FGD5: variants seen among roughly 807,000 people sequenced by gnomAD.
FGD5 encodes FYVE, RhoGEF and PH domain containing 5.
FGD5 carries 28 observed loss-of-function variants against 133.4 expected under a neutral mutation model. The observed-to-expected ratio is 0.21, with a 90% CI of 0.16 to 0.29. FGD5 has a LOEUF of 0.29. FGD5 is among the 10% of genes least tolerant of loss of function. FGD5 has a pLI of 1.00. For missense variants in FGD5, 1,858 were observed against 1,895.2 expected (o/e 0.98, Z 0.36); for synonymous variants, 810 against 776.5 (o/e 1.04, Z -0.72).
rs1378990122 is a variant in FGD5, at chr3:14,820,982, G to A, written c.1911G>A (p.Leu637=). ...KPITKSSPSL[L]IESDSPDKYK... ...TCACAAAGAGCTCTCCCTCACTCCTGATCGAGAGCGACTCCCCGGACAAGT... is the reference window on the plus strand; with the variant it reads ...TCACAAAGAGCTCTCCCTCACTCCTAATCGAGAGCGACTCCCCGGACAAGT... The change falls in exon 1 of 20, where the codon CTG becomes CTA. Residue 637 remains leucine, a synonymous_variant. Transcript: ENST00000285046. The A allele has an allele frequency of 6.2e-7, 1 of 1,613,734 alleles. No individual in the cohort carries two copies. Among genetic ancestry groups the A allele is most frequent in the African/African-American group, 1.3e-5 (1 of 74,848 alleles).
At chr3:14,855,223 C>T (rs1379903395) in intron 1 of FGD5, among the ~76,000 whole-genome samples, 3 of 152,074 alleles carry the variant, frequency 2.0e-5, no homozygotes, top group African/African-American at 7.2e-5. Context: ...AATAGTGTTC[C>T]GTTGTGTATG....
At chr3:14,921,881 T>C (rs1219260004) in intron 13 of FGD5, 37 bp from the exon 14 acceptor site, 8 of 1,536,298 alleles carry the variant, frequency 5.2e-6, no homozygotes, top group Non-Finnish European at 7.1e-6. Flanking sequence ...GAGGCAGAGC[T>C]GCTCCTGCCT....
At chr3:14,898,172 G>A (rs2307090) in intron 6 of FGD5, 77 bp downstream of exon 6, 1,118,941 of 1,568,390 alleles carry the variant, frequency 0.71, 401,278 homozygotes, top group African/African-American at 0.76. Context: ...ATGCAAATCA[G>A]TGGGACATCT....
upstream of FGD5, chr3:14,818,956 A>G (rs2036425540): frequency 6.9e-7 from 1 of 1,444,018 alleles, no homozygotes. Flanking sequence ...TGTCATCTAG[A>G]TTCACCAAAA....
At chr3:14,831,868 C>T (rs1215234052) in intron 1 of FGD5, among the ~76,000 whole-genome samples, 1 of 152,192 alleles carries the variant, frequency 6.6e-6, no homozygotes, top group Admixed American at 6.5e-5. Context: ...GGCTTAGCTT[C>T]TTGTTCGCCT....
intron 4 of FGD5, among the ~76,000 whole-genome samples, chr3:14,887,382 C>A (rs1023445375): frequency 1.3e-5 from 2 of 151,504 alleles, no homozygotes; most frequent in South Asian, 2.1e-4. Flanking sequence ...TTTCTTCAGA[C>A]AAAAAAAACT....
intron 1 of FGD5, among the ~76,000 whole-genome samples, chr3:14,812,710 A>G (rs1222490148): frequency 1.3e-5 from 2 of 152,220 alleles, no homozygotes; most frequent in Admixed American, 6.5e-5. Flanking sequence ...CAGAACCATC[A>G]TATGCTTAGT....
chr3:14,820,065 A>G lies in FGD5; in HGVS notation c.994A>G (p.Asn332Asp). The G allele has an allele frequency of 6.2e-7, 1 of 1,613,978 alleles. No individual in the cohort carries two copies. Among genetic ancestry groups the G allele is most frequent in the Non-Finnish European group, 8.5e-7 (1 of 1,179,870 alleles). Residue 332 changes from asparagine to aspartate, a missense_variant, in exon 1 of 20, where the codon AAT (asparagine) becomes GAT (aspartate). Transcript: ENST00000285046. ...GAGCTGCCAGATTGTCCCTTTTGAGAATGACTGCATGGAGGACTTCGTGAC... is the reference window on the plus strand; with the variant it reads ...GAGCTGCCAGATTGTCCCTTTTGAGGATGACTGCATGGAGGACTTCGTGAC... ...EESCQIVPFENDCMEDFVTSL... is the reference protein window; with the variant it reads ...EESCQIVPFEDDCMEDFVTSL...
At chr3:14,882,417 G>A in intron 4 of FGD5, 1 of 922,730 alleles carries the variant, frequency 1.1e-6, no homozygotes, top group South Asian at 5.0e-5. Context: ...CATCACTCAG[G>A]CCAGGCGCGA....
intron 11 of FGD5, among the ~76,000 whole-genome samples, chr3:14,911,908 A>T (rs879791438): frequency 3.3e-5 from 5 of 151,570 alleles, no homozygotes; most frequent in Non-Finnish European, 7.4e-5. Flanking sequence ...TCAGTGTTTC[A>T]TATGTTTTCT....
chr3:14,854,968 T>C (rs2037249270), intron 1 of FGD5, among the ~76,000 whole-genome samples: 1 of 152,202 alleles, frequency 6.6e-6, no homozygotes, highest in African/African-American at 2.4e-5. Context: ...TCCTCTTATC[T>C]GGCTGTATCT....
chr3:14,883,506 T>C (rs1266455440), intron 4 of FGD5, among the ~76,000 whole-genome samples: 1 of 152,196 alleles, frequency 6.6e-6, no homozygotes, highest in African/African-American at 2.4e-5. Flanking sequence ...TCAATTAATC[T>C]ACTACTCAGA....
intron 17 of FGD5, among the ~76,000 whole-genome samples, chr3:14,925,540 C>G (rs1281041079): frequency 2.0e-5 from 3 of 152,146 alleles, no homozygotes; most frequent in Non-Finnish European, 4.4e-5. Flanking sequence ...AACTCCAAGC[C>G]TGCGTTCCTC....
At chr3:14,810,879 C>G in intron 1 of FGD5, 1 of 985,154 alleles carries the variant, frequency 1.0e-6, no homozygotes, top group African/African-American at 1.7e-5. Flanking sequence ...GGAGGCCCGG[C>G]GACCTCCGGC....
In FGD5 at chr3:14,820,931, C is replaced by T. The variant is rs767741083; in HGVS notation, c.1860C>T (p.Asp620=). 53 of 1,613,810 alleles carry T rather than the reference C, an allele frequency of 3.3e-5. No individual in the cohort carries two copies. The highest frequency in any genetic ancestry group is 6.7e-5 in the Admixed American group (4 of 60,008). Residue 620 remains aspartate, a synonymous_variant, in exon 1 of 20, where the codon GAC becomes GAT. Transcript: ENST00000285046. ...TGGTCGACATCCCACCTCCTTTCGACCTGGCCTGCATCACCAAGAAGCCCA... is the reference window on the plus strand; with the variant it reads ...TGGTCGACATCCCACCTCCTTTCGATCTGGCCTGCATCACCAAGAAGCCCA... ...SSMVDIPPPF[D]LACITKKPIT...
chr3:14,832,112 C>G (rs1045898484), intron 1 of FGD5, among the ~76,000 whole-genome samples: 2 of 152,208 alleles, frequency 1.3e-5, no homozygotes, highest in Non-Finnish European at 2.9e-5. Flanking sequence ...CCGGTTTTCT[C>G]ACCTGTACAA....
chr3:14,810,882 C>T, intron 1 of FGD5: 1 of 985,192 alleles, frequency 1.0e-6, no homozygotes, highest in Non-Finnish European at 1.2e-6. Flanking sequence ...GGCCCGGCGA[C>T]CTCCGGCGCC....
chr3:14,830,829 A>G (rs1032319691), intron 1 of FGD5, among the ~76,000 whole-genome samples: 1 of 152,254 alleles, frequency 6.6e-6, no homozygotes, highest in Non-Finnish European at 1.5e-5. Context: ...GATGTGTATC[A>G]GGTACCTATT....
intron 4 of FGD5, among the ~76,000 whole-genome samples, chr3:14,895,906 T>G (rs1321315683): frequency 6.6e-6 from 1 of 151,776 alleles, no homozygotes; most frequent in African/African-American, 2.4e-5. Flanking sequence ...ACCAAGAAAC[T>G]AATAGAACTG....
Sources: allele counts gnomAD v4.1 joint callset (sites outside exome capture counted in the v4.1 genomes callset), GRCh38; gene constraint gnomAD v4.1.1; transcripts MANE v1.5; gene names NCBI Gene and HGNC (gene_info 2026-07-23, HGNC 2026-07-21).